Variants in PRPF31 observed in about 807,000 individuals in gnomAD.
PRPF31 encodes the protein U4/U6 small nuclear ribonucleoprotein Prp31.
In PRPF31, 12 loss-of-function variants were observed where a neutral mutation model predicts 60.4. The ratio of observed to expected loss-of-function variants is 0.20; its 90% CI spans 0.13 to 0.32. PRPF31 has a LOEUF of 0.32. PRPF31 is among the 10% of genes least tolerant of loss of function. The pLI, the probability that PRPF31 is intolerant of heterozygous loss-of-function variation, is 1.00. For synonymous variants in PRPF31, 287 were observed against 287.9 expected, an observed-to-expected ratio of 1.00 and a Z score of 0.03; for missense variants, 431 against 687.1, an observed-to-expected ratio of 0.63 and a Z score of 4.17.
At chr19:54,128,235 T>C in intron 10 of PRPF31, 35 bp downstream of exon 10, 1 of 1,564,730 alleles carries the variant, frequency 6.4e-7, no homozygotes, top group Non-Finnish European at 8.6e-7. Context: ...GGCATGGGGG[T>C]CATGGAGGGG....
intron 5 of PRPF31, 83 bp downstream of exon 5, chr19:54,122,677 AG>A: frequency 9.4e-7 from 1 of 1,064,114 alleles, no homozygotes; most frequent in Non-Finnish European, 1.5e-6. Context: ...CAGAGGCCTG[AG>A]GGTCTGGAGA....
intron 5 of PRPF31, chr19:54,123,044 A>C (rs2073831563): frequency 6.8e-6 from 3 of 439,622 alleles, no homozygotes; most frequent in African/African-American, 6.0e-5. Context: ...GGGTTTCGGA[A>C]AAGAGGGGCA....
chr19:54,129,248 G>A (rs375380951), intron 12 of PRPF31, 24 bp from the exon 13 acceptor site: 50 of 1,607,350 alleles, frequency 3.1e-5, no homozygotes, highest in South Asian at 2.3e-4. Flanking sequence ...AGCCCAGATC[G>A]CAGCCTCCCT....
At position 54,124,671 on chromosome 19, in the gene PRPF31, T is replaced by C. The variant is rs2073877090; in HGVS notation, c.855+15T>C. 6.2e-7 allele frequency: 1 copy of C among 1,610,660 alleles called. No homozygotes were observed. Among genetic ancestry groups the C allele is most frequent in the Non-Finnish European group, 8.5e-7 (1 of 1,179,704 alleles). ...CCCTGCCACCGGTGAGCCCACTGCG[T>C]CATGGCCCCTCCCCCGGCCCCCCTG... is the stretch of plus-strand genomic sequence containing the variant. On this transcript the variant is annotated intron_variant, in intron 8 of 13. Transcript: ENST00000321030.
chr19:54,116,380 A>G (rs1013182534), intron 1 of PRPF31, among the ~76,000 whole-genome samples: 1 of 150,876 alleles, frequency 6.6e-6, no homozygotes, highest in Non-Finnish European at 1.5e-5. Context: ...AGTTTTTTGT[A>G]TTTTTAGTAG....
Position 54,131,508 on chromosome 19 carries a change from G to A in PRPF31, c.*76G>A. The stretch of plus-strand genomic sequence containing the variant: ...AGTCCTTCTGAAGGGCTAGGATCGG[G>A]TTCTGGCAGGGAGAACCTGCCCTGC... On this transcript the variant is annotated 3_prime_UTR_variant, in exon 14 of 14. Transcript: ENST00000321030. The A allele has an allele frequency of 1.3e-6, 2 of 1,564,884 alleles. No individual in the cohort carries two copies. Among genetic ancestry groups the A allele is most frequent in the Non-Finnish European group, 1.7e-6 (2 of 1,153,668 alleles).
At chr19:54,121,241 T>A (rs2073779895) in intron 3 of PRPF31, among the ~76,000 whole-genome samples, 1 of 151,040 alleles carries the variant, frequency 6.6e-6, no homozygotes, top group African/African-American at 2.4e-5. Context: ...AGGCGGAGGT[T>A]GCAGTGAGCT....
chr19:54,121,786 G>T, intron 3 of PRPF31, 74 bp from the exon 4 acceptor site: 1 of 1,428,494 alleles, frequency 7.0e-7, no homozygotes. Context: ...TTCATCCTCC[G>T]CCTCCTCCAG....
intron 12 of PRPF31, 40 bp downstream of exon 12, chr19:54,129,225 A>T: frequency 6.2e-7 from 1 of 1,601,116 alleles, no homozygotes; most frequent in Non-Finnish European, 8.5e-7. Flanking sequence ...ACCGAGGGAC[A>T]CAAGGTGGGG....
In PRPF31 at chr19:54,122,499, A is replaced by T; in HGVS notation, c.325A>T (p.Ile109Phe). 1 of 1,612,836 alleles carries T rather than the reference A, an allele frequency of 6.2e-7. No homozygotes were observed. Reference protein sequence around the residue: ...LTVEIENELNIIHKFIRDKYS... With the variant: ...LTVEIENELNFIHKFIRDKYS... ...ACCTCCTGTCCCGTTTACCCTAGAC[A>T]TCATCCATAAGTTCATCCGGGATAA... Residue 109 changes from isoleucine (I) to phenylalanine (F), a missense_variant and splice_region_variant, in exon 5 of 14, where the codon ATC becomes TTC. Ile to Phe is a conservative substitution (Grantham distance 21). Transcript: ENST00000321030.
intron 1 of PRPF31, among the ~76,000 whole-genome samples, chr19:54,116,293 C>T (rs587681626): frequency 1.4e-4 from 21 of 151,920 alleles, no homozygotes; most frequent in African/African-American, 4.6e-4. Context: ...CAACCTCCGC[C>T]TCCCGGATTC....
At chr19:54,122,653 C>G (rs1039048931) in intron 5 of PRPF31, 59 bp downstream of exon 5, 2 of 1,367,576 alleles carry the variant, frequency 1.5e-6, no homozygotes, top group Non-Finnish European at 2.1e-6. Context: ...GGGGCTCACT[C>G]TCGGACCCCC....
At chr19:54,126,685 GACCCTCAGCAGGGAGCCC>G (rs1410093995) in intron 9 of PRPF31, 68 bp downstream of exon 9, 14 of 1,461,414 alleles carry the variant, frequency 9.6e-6, no homozygotes, top group Middle Eastern at 1.7e-4. Context: ...TCTGCAGGGA[GACCCTCAGCAGGGAGCCC>G]ACCCCAGCGA....
intron 13 of PRPF31, among the ~76,000 whole-genome samples, chr19:54,129,883 C>A (rs1187950364): frequency 2.0e-5 from 3 of 152,030 alleles, no homozygotes; most frequent in African/African-American, 7.2e-5. Flanking sequence ...GGCGAGACAG[C>A]AGCGAGCTCA....
At chr19:54,127,407 T>C (rs2146440577) in intron 9 of PRPF31, among the ~76,000 whole-genome samples, 1 of 152,244 alleles carries the variant, frequency 6.6e-6, no homozygotes, top group Middle Eastern at 3.4e-3. Context: ...TCCCCTCTTC[T>C]ATTTTAAGGG....
At chr19:54,129,837 T>C (rs955300135) in intron 13 of PRPF31, among the ~76,000 whole-genome samples, 3 of 151,670 alleles carry the variant, frequency 2.0e-5, no homozygotes, top group Non-Finnish European at 2.9e-5. Context: ...AGCCTCGGTT[T>C]ACCATCCACA....
rs777539462 is a variant in PRPF31 at position 54,122,498 on chromosome 19, C to T, written c.324C>T (p.Asn108=). Residue 108 remains asparagine (N), a splice_region_variant and synonymous_variant, in exon 5 of 14, where the codon AAC becomes AAT. Transcript: ENST00000321030. ...NLTVEIENEL[N]IIHKFIRDKY... ...AACCTCCTGTCCCGTTTACCCTAGA[C>T]ATCATCCATAAGTTCATCCGGGATA... The T allele has an allele frequency of 6.2e-7, 1 of 1,612,206 alleles. No homozygotes were observed. The highest frequency in any genetic ancestry group is 8.5e-7 in the Non-Finnish European group (1 of 1,178,212).
intron 4 of PRPF31, 182 bp downstream of exon 4, chr19:54,122,125 G>A (rs2146411019): frequency 1.4e-6 from 1 of 725,738 alleles, no homozygotes; most frequent in Non-Finnish European, 2.4e-6. Context: ...AGTCTGAGGA[G>A]CACTCGGGGA....
chr19:54,127,886 G>C (rs2073956596), intron 9 of PRPF31, among the ~76,000 whole-genome samples, 187 bp from the exon 10 acceptor site: 1 of 152,230 alleles, frequency 6.6e-6, no homozygotes, highest in African/African-American at 2.4e-5. Context: ...CAGTCAACAG[G>C]TGAACTCTGT....
Sources: allele counts gnomAD v4.1 joint callset (sites outside exome capture counted in the v4.1 genomes callset), GRCh38; gene constraint gnomAD v4.1.1; transcripts MANE v1.5; gene names NCBI Gene and HGNC (gene_info 2026-07-23, HGNC 2026-07-21).